Variants in SHANK2 observed in about 807,000 individuals in gnomAD.
The protein encoded by SHANK2 is SH3 and multiple ankyrin repeat domains 2.
SHANK2 carries 43 observed loss-of-function variants against 133.7 expected under a neutral mutation model. That is an observed-to-expected ratio of 0.32 (90% CI 0.25 to 0.41). The LOEUF (loss-of-function observed/expected upper bound fraction) is 0.41, where lower values mean the gene tolerates loss of function less well. Among genes scored for constraint, SHANK2 ranks in the 10% least tolerant of loss-of-function variants. The pLI, the probability that SHANK2 is intolerant of heterozygous loss-of-function variation, is 1.00. For synonymous variants in SHANK2, 1,017 were observed against 952.8 expected (o/e 1.07, Z -1.24); for missense variants, 1,994 against 2,235.8 (o/e 0.89, Z 2.18).
intron 14 of SHANK2, among the ~76,000 whole-genome samples, chr11:70,729,958 T>C (rs1555031713): frequency 6.7e-6 from 1 of 149,614 alleles, no homozygotes; most frequent in Non-Finnish European, 1.5e-5. Flanking sequence ...GTCCCAAACC[T>C]GCTCCACCAC....
intron 2 of SHANK2, among the ~76,000 whole-genome samples, chr11:71,198,213 T>C (rs1953947107): frequency 6.6e-6 from 1 of 152,158 alleles, no homozygotes; most frequent in Non-Finnish European, 1.5e-5. Context: ...CATTCCAAAG[T>C]GCTGGGACTG....
chr11:71,226,856 T>C (rs1954652018), intron 1 of SHANK2, among the ~76,000 whole-genome samples: 1 of 152,092 alleles, frequency 6.6e-6, no homozygotes, highest in Non-Finnish European at 1.5e-5. Flanking sequence ...GTTTGGCAAA[T>C]ATAATAGGCT....
At chr11:71,110,765 T>A (rs776651886) in intron 5 of SHANK2, among the ~76,000 whole-genome samples, 13 of 152,162 alleles carry the variant, frequency 8.5e-5, no homozygotes, top group Non-Finnish European at 1.9e-4. Context: ...AATCGGCCTA[T>A]CCTGGATGAA....
chr11:70,913,239 G>A (rs1434368200), intron 10 of SHANK2, among the ~76,000 whole-genome samples: 1 of 152,064 alleles, frequency 6.6e-6, no homozygotes, highest in Non-Finnish European at 1.5e-5. Flanking sequence ...AAAGAGATTT[G>A]TTTTCCTTCT....
intron 17 of SHANK2, among the ~76,000 whole-genome samples, chr11:70,553,779 A>G (rs1455363057): frequency 6.6e-6 from 1 of 152,216 alleles, no homozygotes; most frequent in African/African-American, 2.4e-5. Flanking sequence ...TCTGCGTGAC[A>G]TAGGGTTGAA....
At chr11:70,695,823 TG>T (rs1945380613) in intron 15 of SHANK2, among the ~76,000 whole-genome samples, 1 of 152,200 alleles carries the variant, frequency 6.6e-6, no homozygotes, top group South Asian at 2.1e-4. Context: ...TTGTGACTCT[TG>T]TTTCTTTCAA....
intron 10 of SHANK2, among the ~76,000 whole-genome samples, chr11:70,920,182 T>G (rs1555080490): frequency 6.6e-6 from 1 of 152,222 alleles, no homozygotes; most frequent in Non-Finnish European, 1.5e-5. Context: ...ACACAAGCAC[T>G]TAATAAATAG....
chr11:70,556,115 T>A (rs868961202), intron 17 of SHANK2, among the ~76,000 whole-genome samples: 4 of 152,384 alleles, frequency 2.6e-5, no homozygotes, highest in Middle Eastern at 3.4e-3. Context: ...AGGTTTTCAA[T>A]GTAGCCTGTT....
At chr11:70,820,066 C>T (rs193138835) in intron 12 of SHANK2, among the ~76,000 whole-genome samples, 25 of 152,266 alleles carry the variant, frequency 1.6e-4, no homozygotes, top group African/African-American at 6.0e-4. Flanking sequence ...GGAAAGGAAA[C>T]AGGACCCGAG....
chr11:71,232,405 C>T lies in SHANK2; in HGVS notation c.-112-7609G>A, dbSNP rs1954757373. On this transcript the variant is annotated intron_variant, in intron 1 of 25. Transcript: ENST00000601538. ...ATCTCTGAACTATTTCTTACAACTG[C>T]AATCATCTTAAAAATATAGTTGGCC... 1.3e-5 allele frequency among the ~76,000 whole-genome samples: 2 copies of T among 152,108 alleles called. 1 individual carries two copies. The highest frequency in any genetic ancestry group is 4.1e-4 in the South Asian group (2 of 4,830).
chr11:70,502,752 C>CA, intron 18 of SHANK2, 44 bp downstream of exon 18: 1 of 1,345,264 alleles, frequency 7.4e-7, no homozygotes, highest in Non-Finnish European at 1.0e-6. Flanking sequence ...CCCCCCCCCC[C>CA]CAGTAGGGCC....
chr11:70,681,743 T>C (rs1182397146), intron 15 of SHANK2, among the ~76,000 whole-genome samples: 4 of 152,014 alleles, frequency 2.6e-5, no homozygotes, highest in Non-Finnish European at 5.9e-5. Flanking sequence ...CAGTACCTAA[T>C]GGAGTGACTG....
At chr11:70,797,124 G>A (rs782282045) in intron 14 of SHANK2, among the ~76,000 whole-genome samples, 11 of 152,312 alleles carry the variant, frequency 7.2e-5, no homozygotes, top group South Asian at 2.1e-4. Context: ...CCAAGCTCCC[G>A]CTTCTCGGTT....
rs561871242 is a variant in SHANK2 at position 70,806,941 on chromosome 11, C to T, written c.1663+61G>A. ...CTTGGACATCGTCCCCACAGCAGGC[C>T]GGGTGAAGGGCCCCAGCCTGACCTC... On this transcript the variant is annotated intron_variant, in intron 13 of 25. Coordinates refer to ENST00000601538, the MANE Select transcript of SHANK2 (RefSeq NM_012309.5). 2,213 of 675,176 alleles carry T rather than the reference C, an allele frequency of 3.3e-3. 25 individuals are homozygous for T. Among genetic ancestry groups the T allele is most frequent in the Middle Eastern group, 0.028 (107 of 3,844 alleles). 41.8% of individuals were successfully genotyped at this position (675,176 alleles called of 1,614,324 possible).
chr11:70,926,869 T>A (rs904468646), intron 10 of SHANK2, among the ~76,000 whole-genome samples: 5 of 152,196 alleles, frequency 3.3e-5, no homozygotes, highest in African/African-American at 1.2e-4. Context: ...AATCTGTGGA[T>A]AAGGAGGACG....
chr11:71,203,918 A>T (rs4943871), intron 2 of SHANK2, among the ~76,000 whole-genome samples: 2 of 152,138 alleles, frequency 1.3e-5, no homozygotes, highest in Non-Finnish European at 2.9e-5. Flanking sequence ...TTTGGGGGGA[A>T]CCATCTACGT....
chr11:71,107,578 C>T (rs1951820470), intron 6 of SHANK2, among the ~76,000 whole-genome samples: 2 of 152,176 alleles, frequency 1.3e-5, no homozygotes, highest in African/African-American at 4.8e-5. Context: ...GGAAAGTGGT[C>T]AGGTCTTTCT....
intron 11 of SHANK2, among the ~76,000 whole-genome samples, chr11:70,829,005 G>A (rs1328347662): frequency 3.3e-5 from 5 of 152,224 alleles, no homozygotes; most frequent in African/African-American, 1.2e-4. Flanking sequence ...CTGGGCTGGT[G>A]AGGCCAGGAT....
chr11:70,628,206 C>T (rs182506811), intron 17 of SHANK2, among the ~76,000 whole-genome samples: 62 of 152,284 alleles, frequency 4.1e-4, no homozygotes, highest in Admixed American at 9.8e-4. Context: ...GTGATCCACC[C>T]GCTTCAGCCT....
Sources: allele counts gnomAD v4.1 joint callset (sites outside exome capture counted in the v4.1 genomes callset), GRCh38; gene constraint gnomAD v4.1.1; transcripts MANE v1.5; gene names NCBI Gene and HGNC (gene_info 2026-07-23, HGNC 2026-07-21).